Variants in CD163 observed in about 807,000 individuals in gnomAD.
The protein encoded by CD163 is scavenger receptor cysteine-rich type 1 protein M130.
CD163 carries 64 observed loss-of-function variants against 129.2 expected under a neutral mutation model. That is an observed-to-expected ratio of 0.50 (90% CI 0.41 to 0.61). The LOEUF is 0.61. Ranked by LOEUF, CD163 falls within the 20% of genes least tolerant of loss-of-function variation. The pLI, the probability that CD163 is intolerant of heterozygous loss-of-function variation, is 0.00. For synonymous variants in CD163, 446 were observed against 478.5 expected (o/e 0.93, Z 0.89); for missense variants, 1,061 against 1,377.9 (o/e 0.77, Z 3.64).
rs762871551 is a variant in CD163 at position 7,487,834 on chromosome 12, T to C, written c.1674A>G (p.Pro558=). The part of the protein sequence containing the change: ...EGHESHLSLC[P]VAPRPEGTCS... ...AAGTTCCTTCTGGGCGGGGTGCTAC[T>C]GGGCAGAGTGAAAGATGGGACTCAT... The change falls in exon 7 of 17, where the codon CCA becomes CCG. Residue 558 remains proline (P), a synonymous_variant. Coordinates refer to ENST00000432237, the MANE Select transcript of CD163 (RefSeq NM_203416.4). The surrounding 1 kb of genome is among the most constrained non-coding windows in gnomAD (Gnocchi z 5.1). 6.2e-7 allele frequency: 1 copy of C among 1,614,150 alleles called. No homozygotes were observed. Among genetic ancestry groups the C allele is most frequent in the Non-Finnish European group, 8.5e-7 (1 of 1,180,030 alleles).
In CD163 at chr12:7,485,166, C is replaced by T; in HGVS notation, c.2709G>A (p.Trp903Ter). Residue 903 changes from tryptophan (W) to a stop codon, truncating the protein, a stop_gained, in exon 11 of 17, where the codon TGG becomes TGA. Transcript: ENST00000432237. LOFTEE classifies it high-confidence loss of function. The surrounding 1 kb of genome is among the most constrained non-coding windows in gnomAD (Gnocchi z 4.5). Reference protein sequence around the residue: ...VQCPKGPDTLWQCPSSPWEKR... With the variant: ...VQCPKGPDTL ...TCTCCCATGGAGATGATGGGCACTGCCACAGCGTGTCAGGTCCTTTTGGAC... is the reference window on the plus strand; with the variant it reads ...TCTCCCATGGAGATGATGGGCACTGTCACAGCGTGTCAGGTCCTTTTGGAC... 1 of 1,614,116 alleles carries T rather than the reference C, an allele frequency of 6.2e-7. No individual in the cohort carries two copies. The highest frequency in any genetic ancestry group is 8.5e-7 in the Non-Finnish European group (1 of 1,179,986).
At chr12:7,476,160 G>A (rs903864625) in intron 16 of CD163, among the ~76,000 whole-genome samples, 3 of 152,112 alleles carry the variant, frequency 2.0e-5, no homozygotes, top group South Asian at 4.2e-4. Flanking sequence ...TGGCCATACT[G>A]CCCAAAGTTA....
rs183001706 is a variant in CD163 at position 7,480,993 on chromosome 12, G to T, written c.3343+168C>A. ...AAGGCCTCCCTATGATTGCAATTTT[G>T]ATATTCTCCAAGAATAATTTTCAGT... On this transcript the variant is annotated intron_variant, in intron 15 of 16. Transcript: ENST00000432237. 1,205 of 1,334,078 alleles carry T rather than the reference G, an allele frequency of 9.0e-4. 1 individual carries two copies. Among genetic ancestry groups the T allele is most frequent in the Non-Finnish European group, 1.0e-3 (1,074 of 1,039,866 alleles). 82.6% of individuals were successfully genotyped at this position (1,334,078 alleles called of 1,614,324 possible).
chr12:7,496,777 G>A lies in CD163; in HGVS notation c.1099+36C>T, dbSNP rs371889082. On this transcript the variant is annotated intron_variant, in intron 5 of 16. Coordinates refer to ENST00000432237, the MANE Select transcript of CD163 (RefSeq NM_203416.4). The surrounding 1 kb of genome is among the most constrained non-coding windows in gnomAD (Gnocchi z 4.8). ...ACTTTCCGTTTCTGCTTTTCTTTTT[G>A]TTTAGTGTTTTGGTTTTGGTTTGGT... is the stretch of plus-strand genomic sequence containing the variant. 5 of 1,584,452 alleles carry A rather than the reference G, an allele frequency of 3.2e-6. No individual in the cohort carries two copies. Among genetic ancestry groups the A allele is most frequent in the South Asian group, 1.1e-5 (1 of 90,230 alleles).
chr12:7,492,933 C>G (rs1012811647), intron 6 of CD163, among the ~76,000 whole-genome samples: 3 of 152,152 alleles, frequency 2.0e-5, no homozygotes, highest in Non-Finnish European at 4.4e-5. Flanking sequence ...TCCTCCCAAA[C>G]CCACAGTTTC....
At chr12:7,478,492 T>C (rs1233336342) in intron 16 of CD163, among the ~76,000 whole-genome samples, 1 of 152,182 alleles carries the variant, frequency 6.6e-6, no homozygotes. Context: ...TTGTGTCAAT[T>C]GTCTTTTCAT....
chr12:7,494,709 A>G (rs1949375972), intron 6 of CD163, among the ~76,000 whole-genome samples: 1 of 152,176 alleles, frequency 6.6e-6, no homozygotes, highest in African/African-American at 2.4e-5. Context: ...AAAAAAAGAA[A>G]ATTCTTTCAC....
At position 7,496,511 on chromosome 12, in the gene CD163, A is replaced by T. The variant is rs1037393205; in HGVS notation, c.1099+302T>A. Among the ~76,000 whole-genome samples the T allele has an allele frequency of 4.6e-5, 7 of 152,320 alleles. No individual in the cohort carries two copies. The highest frequency in any genetic ancestry group is 1.0e-4 in the Non-Finnish European group (7 of 68,022). ...AGTAAAAAAATAAGTAAATTAAAAA[A>T]ATTTAAAAACAGATTCCTAGGAAAT... On this transcript the variant is annotated intron_variant, in intron 5 of 16. Transcript: ENST00000432237. The surrounding 1 kb of genome is among the most constrained non-coding windows in gnomAD (Gnocchi z 4.8).
intron 4 of CD163, 119 bp downstream of exon 4, chr12:7,498,749 A>G: frequency 2.0e-6 from 2 of 986,824 alleles, no homozygotes; most frequent in Non-Finnish European, 3.0e-6. Context: ...GTTAGGTTAA[A>G]ATGCGGTGAC....
At chr12:7,471,443 A>T (rs1949001341) in intron 16 of CD163, 46 bp from the exon 17 acceptor site, 1 of 152,208 alleles carries the variant, frequency 6.6e-6, no homozygotes, top group Admixed American at 6.5e-5. Flanking sequence ...CCATATGCGT[A>T]TAAGAATTCA....
intron 3 of CD163, among the ~76,000 whole-genome samples, chr12:7,500,357 G>T (rs1028992082): frequency 6.5e-5 from 9 of 138,856 alleles, no homozygotes; most frequent in African/African-American, 2.1e-4. Context: ...GGAGGTGGAG[G>T]TTGCAGTGAG....
chr12:7,484,557 T>C (rs1306841207), intron 11 of CD163, among the ~76,000 whole-genome samples: 1 of 145,230 alleles, frequency 6.9e-6, no homozygotes. Flanking sequence ...GAGAATTGCT[T>C]GAACCAAGAA....
chr12:7,486,833 T>A lies in CD163; in HGVS notation c.2144-20A>T. 6.2e-7 allele frequency: 1 copy of A among 1,606,664 alleles called. No homozygotes were observed. Among genetic ancestry groups the A allele is most frequent in the Non-Finnish European group, 8.5e-7 (1 of 1,175,190 alleles). ...CACTCTCTGCAAAGAGAAATGAAACTATTAATAATGAGCATTCCACTTGTT... is the reference window on the plus strand; with the variant it reads ...CACTCTCTGCAAAGAGAAATGAAACAATTAATAATGAGCATTCCACTTGTT... On this transcript the variant is annotated intron_variant, in intron 9 of 16. Coordinates refer to ENST00000432237, the MANE Select transcript of CD163 (RefSeq NM_203416.4).
chr12:7,488,752 A>G (rs1248492727), intron 6 of CD163, among the ~76,000 whole-genome samples: 1 of 152,208 alleles, frequency 6.6e-6, no homozygotes, highest in Non-Finnish European at 1.5e-5. Context: ...TTTTAGATCC[A>G]CAAACGTATC....
At chr12:7,477,357 C>G (rs1224497511) in intron 16 of CD163, among the ~76,000 whole-genome samples, 2 of 152,046 alleles carry the variant, frequency 1.3e-5, no homozygotes, top group African/African-American at 4.8e-5. Context: ...CAATGATAGA[C>G]TGGATAAAGA....
chr12:7,483,497 C>T lies in CD163; in HGVS notation c.2958G>A (p.Gln986=), dbSNP rs1216803301. The change falls in exon 12 of 17, where the codon CAG becomes CAA. Residue 986 remains glutamine, a synonymous_variant. Coordinates refer to ENST00000432237, the MANE Select transcript of CD163 (RefSeq NM_203416.4). ...CATTGAGCCATATCGGTCCAGTCCC[C>T]TGACCAAACTCTGCTTCTTTGAATG... The part of the protein sequence containing the change: ...LKAFKEAEFG[Q]GTGPIWLNEV... 1.2e-6 allele frequency: 2 copies of T among 1,614,080 alleles called. No individual in the cohort carries two copies. Among genetic ancestry groups the T allele is most frequent in the South Asian group, 2.2e-5 (2 of 91,078 alleles).
chr12:7,502,498 C>G lies in CD163; in HGVS notation c.113G>C (p.Cys38Ser), dbSNP rs149807372. The stretch of plus-strand genomic sequence containing the variant: ...CTCACCAAGAGAACTGGTGACAAAA[C>G]AGGCACTGAGAAGTAAGACCACAGT... The part of the protein sequence containing the change: ...TITVVLLLSA[C>S]FVTSSLGGTD... Residue 38 changes from cysteine (C) to serine (S), a missense_variant, in exon 2 of 17, where the codon TGT (cysteine) becomes TCT (serine). By Grantham distance (112) the Cys-to-Ser change is moderately radical. Transcript: ENST00000432237. 1.1e-4 allele frequency: 183 copies of G among 1,600,648 alleles called. 1 individual carries two copies. The African/African-American group carries it at 2.1e-3, about 19-fold the overall frequency.
In CD163 at chr12:7,495,261, G is replaced by C; in HGVS notation, c.1240C>G (p.Leu414Val). ...GTTTTGAGTGCAGATCCACATCCCA[G>C]CTGCCTGCAAACCACATCAGCTTCT... ...LKEADVVCRQ[L>V]GCGSALKTSY... Residue 414 changes from leucine (L) to valine (V), a missense_variant, in exon 6 of 17, where the codon CTG (leucine) becomes GTG (valine). Physicochemically the swap from Leu to Val is conservative, Grantham distance 32 (BLOSUM62 1). Coordinates refer to ENST00000432237, the MANE Select transcript of CD163 (RefSeq NM_203416.4). 6.2e-7 allele frequency: 1 copy of C among 1,614,120 alleles called. No individual in the cohort carries two copies. The highest frequency in any genetic ancestry group is 8.5e-7 in the Non-Finnish European group (1 of 1,180,008).
rs908179555 is a variant in CD163, at chr12:7,485,050, G to A, written c.2779+46C>T. On this transcript the variant is annotated intron_variant, in intron 11 of 16. Transcript: ENST00000432237. This position sits in a 1 kb window ranked among gnomAD's most constrained non-coding sequence, Gnocchi z 4.5. Reference sequence around the variant, plus strand: ...CAGTGTCCATTATCAGAAGATGATAGCGGGGCTGCAGAATGGAATTTTCAT... The same window carrying A: ...CAGTGTCCATTATCAGAAGATGATAACGGGGCTGCAGAATGGAATTTTCAT... 6.8e-7 allele frequency: 1 copy of A among 1,466,382 alleles called. No individual in the cohort carries two copies. Among genetic ancestry groups the A allele is most frequent in the Non-Finnish European group, 9.2e-7 (1 of 1,082,404 alleles). 90.8% of individuals were successfully genotyped at this position (1,466,382 alleles called of 1,614,324 possible). A position where few individuals can be genotyped will look rare whatever the true frequency, so the allele number is the denominator to read the frequency against.
Sources: gnomAD v4.1 joint callset for allele counts (sites outside exome capture counted in the v4.1 genomes callset) on GRCh38, gnomAD v4.1.1 for gene constraint, Gnocchi (gnomAD v3.1) non-coding constraint, MANE v1.5 for transcripts, NCBI Gene and HGNC (gene_info 2026-07-23, HGNC 2026-07-21) for gene names.